GPAT4: variants seen among roughly 807,000 people sequenced by gnomAD.
The protein encoded by GPAT4 is glycerol-3-phosphate acyltransferase 4.
A neutral mutation model predicts 58.0 loss-of-function variants in GPAT4; 17 were observed. The ratio of observed to expected loss-of-function variants is 0.29; its 90% CI spans 0.20 to 0.44. The LOEUF is 0.44. Among genes scored for constraint, GPAT4 ranks in the 20% least tolerant of loss-of-function variants. GPAT4 has a pLI of 1.00. For synonymous variants in GPAT4, 204 were observed against 210.1 expected, an observed-to-expected ratio of 0.97 and a Z score of 0.25; for missense variants, 377 against 574.5, an observed-to-expected ratio of 0.66 and a Z score of 3.51.
intron 10 of GPAT4, among the ~76,000 whole-genome samples, chr8:41,617,843 A>T (rs1175642182): frequency 6.6e-6 from 1 of 152,202 alleles, no homozygotes; most frequent in Non-Finnish European, 1.5e-5. Flanking sequence ...CCCTTCAGAC[A>T]TTCGCTGGCA....
At chr8:41,605,670 G>A (rs912163495) in intron 2 of GPAT4, among the ~76,000 whole-genome samples, 19 of 152,166 alleles carry the variant, frequency 1.2e-4, no homozygotes, top group Non-Finnish European at 2.5e-4. Context: ...CGCCTCCTGG[G>A]TTCAAGTGAT....
intron 1 of GPAT4, among the ~76,000 whole-genome samples, chr8:41,595,566 C>A (rs1168627230): frequency 1.3e-5 from 2 of 152,108 alleles, no homozygotes; most frequent in Non-Finnish European, 2.9e-5. Flanking sequence ...TTTACACTTA[C>A]AACAAGGTGG....
At chr8:41,597,369 G>A (rs897771912) in intron 1 of GPAT4, among the ~76,000 whole-genome samples, 2 of 152,210 alleles carry the variant, frequency 1.3e-5, no homozygotes, top group African/African-American at 2.4e-5. Context: ...ATACTCCCAA[G>A]TTCAGGGATT....
intron 2 of GPAT4, among the ~76,000 whole-genome samples, chr8:41,599,896 C>T (rs1803034789): frequency 6.6e-6 from 1 of 152,134 alleles, no homozygotes; most frequent in Non-Finnish European, 1.5e-5. Context: ...ACTTAAATAC[C>T]TCTGCACAGA....
At chr8:41,607,932 A>G (rs1396671812) in intron 2 of GPAT4, among the ~76,000 whole-genome samples, 4 of 152,196 alleles carry the variant, frequency 2.6e-5, no homozygotes, top group Admixed American at 1.3e-4. Context: ...TCTGCATGCC[A>G]GGATTGTTGT....
chr8:41,580,371 GCAT>G (rs1280719777), intron 1 of GPAT4, among the ~76,000 whole-genome samples: 2 of 152,138 alleles, frequency 1.3e-5, no homozygotes, highest in South Asian at 2.1e-4. Flanking sequence ...GAGAACAATA[GCAT>G]CATCTCAGAA....
intron 1 of GPAT4, among the ~76,000 whole-genome samples, chr8:41,589,802 T>C (rs1474383720): frequency 6.6e-6 from 1 of 152,188 alleles, no homozygotes; most frequent in African/African-American, 2.4e-5. Flanking sequence ...CTTGGGTCTG[T>C]GGAACTCAGG....
chr8:41,589,364 ATG>A (rs1802733249), intron 1 of GPAT4, among the ~76,000 whole-genome samples: 1 of 15,280 alleles, frequency 6.5e-5, no homozygotes, highest in Admixed American at 8.0e-4. Context: ...GTGTGGCGGG[ATG>A]GGATGGGGTG....
chr8:41,618,668 T>A lies in GPAT4; in HGVS notation c.1054-16T>A, dbSNP rs373943416. On this transcript the variant is annotated splice_polypyrimidine_tract_variant and intron_variant, in intron 10 of 12. Transcript: ENST00000396987. The stretch of plus-strand genomic sequence containing the variant: ...GAACTACTCATGTCTTACCTCCAGC[T>A]TTCCATTGTTTTCAGTATGACCCTC... 4 of 1,613,548 alleles carry A rather than the reference T, an allele frequency of 2.5e-6. No individual in the cohort carries two copies. In the African/African-American group the frequency reaches 5.3e-5, roughly 22 times the overall value.
intron 9 of GPAT4, 125 bp from the exon 10 acceptor site, chr8:41,614,838 C>A: frequency 1.3e-6 from 1 of 752,228 alleles, no homozygotes; most frequent in Non-Finnish European, 2.2e-6. Flanking sequence ...AGGGAGATGA[C>A]AGATGTATCT....
intron 1 of GPAT4, among the ~76,000 whole-genome samples, chr8:41,597,465 G>A (rs1410424304): frequency 6.6e-6 from 1 of 152,166 alleles, no homozygotes; most frequent in Non-Finnish European, 1.5e-5. Context: ...GTGGGGAGAG[G>A]CTGGAGGAGT....
chr8:41,591,596 G>A (rs7823691), intron 1 of GPAT4, among the ~76,000 whole-genome samples: 35,513 of 152,134 alleles, frequency 0.23, 4,190 homozygotes, highest in East Asian at 0.29. Context: ...TTTATCATTT[G>A]AAGAAGTACA....
At chr8:41,594,871 A>G (rs1802885322) in intron 1 of GPAT4, among the ~76,000 whole-genome samples, 1 of 151,884 alleles carries the variant, frequency 6.6e-6, no homozygotes. Flanking sequence ...ACGACCAGTT[A>G]TTTTATTTCA....
rs531839329 is a variant in GPAT4, at chr8:41,603,577, T to G, written c.165+4273T>G. ...TTTGGGCCCCAGAACCTGCTTTAAC[T>G]GATCTGGGTAGGCGTTTTTTTAAAA... On this transcript the variant is annotated intron_variant, in intron 2 of 12. Transcript: ENST00000396987. Among the ~76,000 whole-genome samples the G allele has an allele frequency of 2.2e-3, 336 of 150,450 alleles. 3 individuals carry two copies. Among genetic ancestry groups the G allele is most frequent in the Non-Finnish European group, 3.8e-4 (26 of 67,718 alleles).
intron 12 of GPAT4, 77 bp from the exon 13 acceptor site, chr8:41,620,815 GC>G (rs1803726220): frequency 5.9e-6 from 9 of 1,532,492 alleles, no homozygotes; most frequent in Non-Finnish European, 7.9e-6. Flanking sequence ...TGTTTGGGCA[GC>G]ATGGTGCATC....
At chr8:41,596,670 C>T (rs1802943096) in intron 1 of GPAT4, among the ~76,000 whole-genome samples, 1 of 152,204 alleles carries the variant, frequency 6.6e-6, no homozygotes, top group African/African-American at 2.4e-5. Context: ...TCTGAGTCCC[C>T]CGCAGGGATG....
chr8:41,614,278 CTT>C, intron 8 of GPAT4, 106 bp from the exon 9 acceptor site: 4 of 947,678 alleles, frequency 4.2e-6, no homozygotes, highest in Non-Finnish European at 6.3e-6. Context: ...TGCTTGTTAA[CTT>C]TTTATAATCG....
chr8:41,614,490 G>C (rs1218039312), intron 9 of GPAT4, 49 bp downstream of exon 9: 1 of 1,567,564 alleles, frequency 6.4e-7, no homozygotes, highest in Non-Finnish European at 8.8e-7. Context: ...GAGTGCAGGA[G>C]TGTGATGCTG....
chr8:41,618,333 T>C (rs1057124451), intron 10 of GPAT4, among the ~76,000 whole-genome samples: 1 of 152,186 alleles, frequency 6.6e-6, no homozygotes, highest in Non-Finnish European at 1.5e-5. Flanking sequence ...AATGGGTACA[T>C]GGGAGTGCAT....
Sources: gnomAD v4.1 joint callset for allele counts (sites outside exome capture counted in the v4.1 genomes callset) on GRCh38, gnomAD v4.1.1 for gene constraint, MANE v1.5 for transcripts, NCBI Gene and HGNC (gene_info 2026-07-23, HGNC 2026-07-21) for gene names.